MPP7: variants seen among roughly 807,000 people sequenced by gnomAD.
MPP7 encodes MAGUK p55 scaffold protein 7.
Under a neutral mutation model 76.5 loss-of-function variants are expected in MPP7, and 60 were observed. The ratio of observed to expected loss-of-function variants is 0.78; its 90% CI spans 0.64 to 0.97. The LOEUF is 0.97. Ranked by LOEUF, MPP7 falls within the 50% of genes least tolerant of loss-of-function variation. The pLI, the probability that MPP7 is intolerant of heterozygous loss-of-function variation, is 0.00. For synonymous variants in MPP7, 237 were observed against 244.5 expected (o/e 0.97, Z 0.29); for missense variants, 641 against 694.0 (o/e 0.92, Z 0.86).
At chr10:28,113,544 T>G (rs1834570004) in intron 11 of MPP7, among the ~76,000 whole-genome samples, 1 of 151,992 alleles carries the variant, frequency 6.6e-6, no homozygotes, top group Admixed American at 6.6e-5. Flanking sequence ...GTCAATATAA[T>G]CAAGTCCTTA....
intron 3 of MPP7, among the ~76,000 whole-genome samples, chr10:28,191,222 A>G (rs776549923): frequency 3.3e-5 from 5 of 152,186 alleles, no homozygotes; most frequent in Non-Finnish European, 7.3e-5. Context: ...AATTATACCA[A>G]TTCTCTGCAA....
At chr10:28,164,622 C>T (rs1032943439) in intron 3 of MPP7, among the ~76,000 whole-genome samples, 2 of 151,960 alleles carry the variant, frequency 1.3e-5, no homozygotes, top group South Asian at 2.1e-4. Context: ...CCATGGGCCA[C>T]GTGCAGCCCA....
At chr10:28,116,184 T>C (rs567882287) in intron 11 of MPP7, among the ~76,000 whole-genome samples, 37 of 152,252 alleles carry the variant, frequency 2.4e-4, no homozygotes, top group African/African-American at 8.2e-4. Context: ...AATCACATCC[T>C]ACTGAACTTA....
At chr10:28,298,650 G>C (rs1435225990) in intron 1 of MPP7, among the ~76,000 whole-genome samples, 1 of 152,210 alleles carries the variant, frequency 6.6e-6, no homozygotes, top group Non-Finnish European at 1.5e-5. Flanking sequence ...AGCTGCACTA[G>C]CTCCAAACAA....
At chr10:28,193,468 C>G (rs1456656754) in intron 3 of MPP7, among the ~76,000 whole-genome samples, 2 of 152,116 alleles carry the variant, frequency 1.3e-5, no homozygotes, top group Non-Finnish European at 2.9e-5. Context: ...GCCTCGGCCT[C>G]CCAAAGTGCC....
At chr10:28,091,647 T>C (rs894319678) in intron 11 of MPP7, among the ~76,000 whole-genome samples, 3 of 152,230 alleles carry the variant, frequency 2.0e-5, no homozygotes, top group African/African-American at 7.2e-5. Context: ...ATGTAATAAC[T>C]AATCTGTGTG....
intron 2 of MPP7, among the ~76,000 whole-genome samples, chr10:28,315,409 C>T (rs774136957): frequency 2.6e-5 from 4 of 151,984 alleles, no homozygotes; most frequent in East Asian, 1.9e-4. Context: ...CCCACACCTC[C>T]GTGTGGCAGT....
At chr10:28,264,899 G>A (rs1320572048) in intron 1 of MPP7, among the ~76,000 whole-genome samples, 4 of 151,024 alleles carry the variant, frequency 2.6e-5, no homozygotes, top group Non-Finnish European at 5.9e-5. Context: ...AGACTTTCAG[G>A]AAGAAGGCAC....
intron 3 of MPP7, among the ~76,000 whole-genome samples, chr10:28,198,926 C>T (rs955120139): frequency 1.3e-5 from 2 of 152,076 alleles, no homozygotes; most frequent in African/African-American, 2.4e-5. Flanking sequence ...GTATTTCCAT[C>T]CCACAGATAT....
chr10:28,223,182 A>G (rs1221596613), intron 2 of MPP7, among the ~76,000 whole-genome samples: 3 of 152,054 alleles, frequency 2.0e-5, no homozygotes, highest in Non-Finnish European at 4.4e-5. Context: ...TTAATATTTT[A>G]TAAGACCACT....
chr10:28,138,772 G>A (rs1024722750), intron 5 of MPP7, among the ~76,000 whole-genome samples: 4 of 152,168 alleles, frequency 2.6e-5, no homozygotes, highest in African/African-American at 9.7e-5. Context: ...TAAAGACTAT[G>A]AAAGAAAAGT....
chr10:28,227,372 C>T (rs1838728251), intron 2 of MPP7, among the ~76,000 whole-genome samples: 1 of 151,882 alleles, frequency 6.6e-6, no homozygotes, highest in South Asian at 2.1e-4. Flanking sequence ...CATAGGTAAA[C>T]GTGTGCCATG....
intron 12 of MPP7, among the ~76,000 whole-genome samples, chr10:28,081,176 CCAGA>C (rs1852742596): frequency 6.6e-6 from 1 of 152,210 alleles, no homozygotes; most frequent in Non-Finnish European, 1.5e-5. Context: ...TACCTCCCAG[CCAGA>C]CAGAACAAGT....
intron 8 of MPP7, among the ~76,000 whole-genome samples, chr10:28,123,689 C>T (rs939191078): frequency 5.9e-5 from 9 of 151,950 alleles, no homozygotes; most frequent in Admixed American, 5.9e-4. Context: ...CCAGGCTGGT[C>T]TTAAGCTCCT....
intron 3 of MPP7, among the ~76,000 whole-genome samples, chr10:28,191,350 C>T (rs1259144457): frequency 6.6e-6 from 1 of 152,150 alleles, no homozygotes; most frequent in Non-Finnish European, 1.5e-5. Context: ...AGGAGAATTA[C>T]AGCCTAACCG....
chr10:28,198,679 C>T (rs2607548), intron 3 of MPP7, among the ~76,000 whole-genome samples: 12,210 of 149,820 alleles, frequency 0.081, 614 homozygotes, highest in Non-Finnish European at 0.12. Flanking sequence ...TACAAAAACA[C>T]ACAGAAACAT....
intron 5 of MPP7, among the ~76,000 whole-genome samples, chr10:28,139,998 GA>G (rs1835461561): frequency 6.6e-6 from 1 of 152,050 alleles, no homozygotes; most frequent in South Asian, 2.1e-4. Context: ...TATAAAAAAT[GA>G]AACCCAAACA....
chr10:28,087,218 G>T (rs548627702), intron 12 of MPP7, among the ~76,000 whole-genome samples: 2 of 152,206 alleles, frequency 1.3e-5, no homozygotes, highest in East Asian at 3.9e-4. Context: ...CGTGATCTCT[G>T]CACACACAGG....
At chr10:28,207,042 T>G (rs1837970639) in intron 2 of MPP7, among the ~76,000 whole-genome samples, 1 of 152,146 alleles carries the variant, frequency 6.6e-6, no homozygotes, top group Admixed American at 6.6e-5. Context: ...GCCTTCTCCA[T>G]TCAACAAATT....
Sources: allele counts gnomAD v4.1 joint callset (sites outside exome capture counted in the v4.1 genomes callset), GRCh38; gene constraint gnomAD v4.1.1; transcripts MANE v1.5; gene names NCBI Gene and HGNC (gene_info 2026-07-23, HGNC 2026-07-21).